The following ZHX2 variants were observed in gnomAD, a reference collection of about 807,000 sequenced individuals.
The protein encoded by ZHX2 is zinc fingers and homeoboxes 2.
A neutral mutation model predicts 21.9 loss-of-function variants in ZHX2; 6 were observed. The observed-to-expected ratio is 0.27, with a 90% CI of 0.15 to 0.54. ZHX2 has a LOEUF of 0.54. Ranked by LOEUF, ZHX2 falls within the 20% of genes least tolerant of loss-of-function variation. The pLI is 0.95. For missense variants in ZHX2, 908 were observed against 1,090.7 expected (o/e 0.83, Z 2.36); for synonymous variants, 434 against 437.1 (o/e 0.99, Z 0.09).
intron 2 of ZHX2, among the ~76,000 whole-genome samples, chr8:122,941,969 A>G (rs1260702189): frequency 6.6e-6 from 1 of 152,216 alleles, no homozygotes; most frequent in Admixed American, 6.5e-5. Flanking sequence ...TCAAATTTGG[A>G]TTAAGATAAA....
chr8:122,953,256 G>T lies in ZHX2; in HGVS notation c.1746G>T (p.Lys582Asn). Residue 582 changes from lysine to asparagine, a missense_variant, in exon 3 of 4, where the codon AAG (lysine) becomes AAT (asparagine). By Grantham distance (94) the Lys-to-Asn change is moderately conservative. This residue lies in a region of ZHX2 where 431 missense variants were observed against 428.6 expected (regional missense o/e 1.01). Transcript: ENST00000314393. The surrounding 1 kb of genome is among the most constrained non-coding windows in gnomAD (Gnocchi z 4.6). Reference protein sequence around the residue: ...EIDSWFSERRKLRDSMEQAVL... With the variant: ...EIDSWFSERRNLRDSMEQAVL... The stretch of plus-strand genomic sequence containing the variant: ...ACTCCTGGTTCTCGGAGAGGCGGAA[G>T]CTTCGAGACAGCATGGAACAAGCTG... 6.2e-7 allele frequency: 1 copy of T among 1,614,112 alleles called. No homozygotes were observed.
chr8:122,933,397 A>T (rs1401439327), intron 2 of ZHX2, among the ~76,000 whole-genome samples: 1 of 98,820 alleles, frequency 1.0e-5, no homozygotes, highest in Non-Finnish European at 2.1e-5. Flanking sequence ...TATGTGACAC[A>T]TAAAACCATG....
At chr8:122,879,505 GGT>G (rs1819651649) in intron 2 of ZHX2, among the ~76,000 whole-genome samples, 2 of 124,586 alleles carry the variant, frequency 1.6e-5, no homozygotes, top group South Asian at 4.5e-4. Context: ...GCACCGGGCT[GGT>G]TTTTTTTTTT....
intron 2 of ZHX2, among the ~76,000 whole-genome samples, chr8:122,909,617 C>A (rs1331250646): frequency 6.6e-6 from 1 of 152,052 alleles, no homozygotes; most frequent in African/African-American, 2.4e-5. Context: ...CCCCCCACAA[C>A]CTGTTCCTCC....
chr8:122,862,045 A>G (rs1016143040), intron 1 of ZHX2, among the ~76,000 whole-genome samples: 2 of 152,222 alleles, frequency 1.3e-5, no homozygotes, highest in Admixed American at 1.3e-4. Context: ...AGAACCTTCA[A>G]CTGGGGAATT....
intron 1 of ZHX2, chr8:122,807,680 G>T (rs1817850276): frequency 6.6e-6 from 1 of 152,232 alleles, no homozygotes. Context: ...ATACAAATCA[G>T]GAATAGGAAC....
intron 2 of ZHX2, among the ~76,000 whole-genome samples, chr8:122,923,608 ATCTGCCACAGTG>A (rs1400381195): frequency 6.6e-6 from 1 of 152,134 alleles, no homozygotes; most frequent in Non-Finnish European, 1.5e-5. Context: ...ACCACCTTTA[ATCTGCCACAGTG>A]TCTGCCACAA....
rs571335577 is a variant in ZHX2 at position 122,923,560 on chromosome 8, C to A, written c.-219-27732C>A. ...AGGGAGGTAGGGATGGGAACATGGA[C>A]CCCATCTCTCAATGAAAAAAGTGTC... On this transcript the variant is annotated intron_variant, in intron 2 of 3. Coordinates refer to ENST00000314393, the MANE Select transcript of ZHX2 (RefSeq NM_014943.5). 1.8e-4 allele frequency among the ~76,000 whole-genome samples: 28 copies of A among 152,248 alleles called. 1 individual carries two copies. Among genetic ancestry groups the A allele is most frequent in the African/African-American group, 6.5e-4 (27 of 41,522 alleles).
At chr8:122,920,239 A>G (rs1326144261) in intron 2 of ZHX2, among the ~76,000 whole-genome samples, 5 of 152,058 alleles carry the variant, frequency 3.3e-5, no homozygotes, top group Non-Finnish European at 7.4e-5. Context: ...GTGCCGTTGC[A>G]CTCCAGCCTG....
chr8:122,858,620 CT>C (rs370271822), intron 1 of ZHX2, among the ~76,000 whole-genome samples: 3,970 of 147,126 alleles, frequency 0.027, 159 homozygotes, highest in African/African-American at 0.081. Context: ...AGGTTAACTC[CT>C]TTTTTTTTCT....
intron 3 of ZHX2, among the ~76,000 whole-genome samples, chr8:122,966,591 T>G (rs1486920401): frequency 1.3e-5 from 2 of 152,208 alleles, no homozygotes; most frequent in African/African-American, 4.8e-5. Flanking sequence ...TAAGATTCTT[T>G]CCTTCATCTT....
At chr8:122,965,486 A>G (rs897284911) in intron 3 of ZHX2, among the ~76,000 whole-genome samples, 10 of 152,124 alleles carry the variant, frequency 6.6e-5, no homozygotes, top group African/African-American at 1.9e-4. Flanking sequence ...TTAATTTCCA[A>G]TGTTATTCCA....
chr8:122,792,854 G>A (rs1233823606), intron 1 of ZHX2, among the ~76,000 whole-genome samples: 2 of 152,198 alleles, frequency 1.3e-5, no homozygotes, highest in East Asian at 1.9e-4. Flanking sequence ...ACCCGAGAGT[G>A]TGTCCTTAAA....
intron 1 of ZHX2, among the ~76,000 whole-genome samples, chr8:122,810,074 TAAG>T (rs760511916): frequency 2.0e-5 from 3 of 152,130 alleles, no homozygotes; most frequent in Admixed American, 1.3e-4. Flanking sequence ...TAAAGCCTCT[TAAG>T]AAATCATGTA....
At chr8:122,901,533 A>G (rs976119783) in intron 2 of ZHX2, among the ~76,000 whole-genome samples, 1 of 152,058 alleles carries the variant, frequency 6.6e-6, no homozygotes, top group African/African-American at 2.4e-5. Context: ...GCTCACTTTC[A>G]TTTTTCCCCT....
At chr8:122,922,108 C>T (rs1025474933) in intron 2 of ZHX2, among the ~76,000 whole-genome samples, 8 of 152,088 alleles carry the variant, frequency 5.3e-5, no homozygotes, top group Admixed American at 1.3e-4. Flanking sequence ...ACTCAGGCAG[C>T]TCCTGCATTC....
At chr8:122,879,462 C>T (rs943399216) in intron 2 of ZHX2, among the ~76,000 whole-genome samples, 1 of 151,530 alleles carries the variant, frequency 6.6e-6, no homozygotes, top group African/African-American at 2.4e-5. Flanking sequence ...ACCTTGGCCT[C>T]CCAAAGTGCT....
intron 3 of ZHX2, among the ~76,000 whole-genome samples, chr8:122,960,478 C>T (rs1813414406): frequency 6.6e-6 from 1 of 152,130 alleles, no homozygotes; most frequent in Non-Finnish European, 1.5e-5. Context: ...GTGGAGGTTA[C>T]AGTGAGCCGA....
intron 2 of ZHX2, among the ~76,000 whole-genome samples, chr8:122,889,883 A>G (rs1321305426): frequency 1.3e-5 from 2 of 152,162 alleles, no homozygotes; most frequent in East Asian, 1.9e-4. Flanking sequence ...TGCATATACC[A>G]TGAGAGGACT....
Sources: allele counts gnomAD v4.1 joint callset (sites outside exome capture counted in the v4.1 genomes callset), GRCh38; gene constraint gnomAD v4.1.1; regional missense constraint gnomAD v4.1.1; non-coding constraint Gnocchi (gnomAD v3.1); transcripts MANE v1.5; gene names NCBI Gene and HGNC (gene_info 2026-07-23, HGNC 2026-07-21).